Variants in PAMR1 observed in about 807,000 individuals in gnomAD.
PAMR1 encodes inactive serine protease PAMR1.
A neutral mutation model predicts 81.8 loss-of-function variants in PAMR1; 88 were observed. That is an observed-to-expected ratio of 1.08 (90% CI 0.91 to 1.28). PAMR1 has a LOEUF of 1.28. PAMR1 is among the 50% of genes most tolerant of loss of function. The pLI, the probability that PAMR1 is intolerant of heterozygous loss-of-function variation, is 0.00. For missense variants in PAMR1, 935 were observed against 919.7 expected (o/e 1.02, Z -0.21); for synonymous variants, 336 against 345.3 (o/e 0.97, Z 0.30).
intron 6 of PAMR1, among the ~76,000 whole-genome samples, chr11:35,466,065 C>T (rs1242308755): frequency 1.3e-5 from 2 of 149,674 alleles, no homozygotes; most frequent in Non-Finnish European, 2.9e-5. Context: ...TTACTTCTTT[C>T]CAATTCTATT....
chr11:35,441,743 C>T, intron 6 of PAMR1, 50 bp from the exon 7 acceptor site: 1 of 1,264,036 alleles, frequency 7.9e-7, no homozygotes, highest in Non-Finnish European at 1.1e-6. Flanking sequence ...TGAGTTATTC[C>T]ATTTTAGAAT....
chr11:35,517,236 T>C (rs1851181982), intron 1 of PAMR1, among the ~76,000 whole-genome samples: 1 of 152,202 alleles, frequency 6.6e-6, no homozygotes, highest in South Asian at 2.1e-4. Context: ...TAGCCCAAAT[T>C]GATTAGTGCT....
Position 35,441,684 on chromosome 11 carries a change from TC to T in PAMR1, c.829del (p.Glu277LysfsTer17). The T allele has an allele frequency of 6.2e-7, 1 of 1,607,602 alleles. No homozygotes were observed. Among genetic ancestry groups the T allele is most frequent in the Non-Finnish European group, 8.5e-7 (1 of 1,177,216 alleles). On this transcript the variant is annotated frameshift_variant, in exon 7 of 11. Coordinates refer to ENST00000619888, the MANE Select transcript of PAMR1 (RefSeq NM_001001991.3). LOFTEE classifies it high-confidence loss of function. ...TGQRCENLLE[E>X]RNCSDPGGPV... ...GCCCCCAGGGTCTGAGCAGTTTCTT[TC>T]TTCAAGGACTAAAAGAAAGTAAAAG...
chr11:35,495,227 CA>C (rs1304936223), intron 1 of PAMR1, among the ~76,000 whole-genome samples: 3 of 151,450 alleles, frequency 2.0e-5, no homozygotes, highest in African/African-American at 4.9e-5. Flanking sequence ...ATAGAAAAGA[CA>C]AAAAATACCT....
upstream of PAMR1, among the ~76,000 whole-genome samples, chr11:35,529,323 T>C (rs534108494): frequency 1.2e-4 from 19 of 152,322 alleles, no homozygotes; most frequent in African/African-American, 4.6e-4. Flanking sequence ...TAAGTTAAAA[T>C]TGAAAAATGG....
intron 10 of PAMR1, 125 bp from the exon 11 acceptor site, chr11:35,433,017 T>C (rs1336551732): frequency 1.3e-6 from 1 of 781,968 alleles, no homozygotes; most frequent in Non-Finnish European, 2.0e-6. Flanking sequence ...TATTTGGAGA[T>C]ACTTCACTCA....
intron 1 of PAMR1, among the ~76,000 whole-genome samples, chr11:35,505,145 T>C (rs1442304554): frequency 1.3e-5 from 2 of 152,176 alleles, no homozygotes; most frequent in Admixed American, 6.5e-5. Context: ...TTAATTTCCA[T>C]GTATTTGCAT....
intron 1 of PAMR1, among the ~76,000 whole-genome samples, chr11:35,496,093 G>A (rs886949400): frequency 6.6e-6 from 1 of 152,134 alleles, no homozygotes; most frequent in Non-Finnish European, 1.5e-5. Context: ...CCATGTCTCT[G>A]ATGTTTTACT....
chr11:35,520,886 T>A (rs1295424165), intron 1 of PAMR1, among the ~76,000 whole-genome samples: 1 of 152,210 alleles, frequency 6.6e-6, no homozygotes, highest in East Asian at 1.9e-4. Context: ...CTAAGACCTG[T>A]CATTAGGTCC....
chr11:35,448,024 T>C (rs1856333779), intron 6 of PAMR1, among the ~76,000 whole-genome samples: 1 of 152,246 alleles, frequency 6.6e-6, no homozygotes, highest in Non-Finnish European at 1.5e-5. Flanking sequence ...GTTAGTTTGA[T>C]GGCATTCCCT....
At chr11:35,466,010 T>A (rs902234198) in intron 6 of PAMR1, among the ~76,000 whole-genome samples, 3 of 152,230 alleles carry the variant, frequency 2.0e-5, no homozygotes, top group African/African-American at 7.2e-5. Flanking sequence ...CTTTCCTAAT[T>A]TGACTCAGCT....
chr11:35,521,963 C>A (rs189223329), intron 1 of PAMR1, among the ~76,000 whole-genome samples: 6 of 151,746 alleles, frequency 4.0e-5, no homozygotes, highest in Non-Finnish European at 2.9e-5. Flanking sequence ...CACTCTGTCG[C>A]CCAAGCTGGA....
At chr11:35,483,525 T>G (rs1850440308) in intron 3 of PAMR1, among the ~76,000 whole-genome samples, 1 of 152,114 alleles carries the variant, frequency 6.6e-6, no homozygotes, top group East Asian at 1.9e-4. Context: ...TTCAAAAGTT[T>G]TCCTGTCTTC....
chr11:35,453,288 C>T (rs1203702654), intron 6 of PAMR1: 2 of 152,184 alleles, frequency 1.3e-5, no homozygotes, highest in Non-Finnish European at 2.9e-5. Flanking sequence ...CATTGTTGGG[C>T]CTATTCAAAC....
At chr11:35,435,826 A>G (rs949635366) in intron 9 of PAMR1, 77 bp downstream of exon 9, 2 of 1,089,374 alleles carry the variant, frequency 1.8e-6, no homozygotes, top group Non-Finnish European at 2.8e-6. Flanking sequence ...CTCTCCCAAA[A>G]AGTAGGGTTA....
At position 35,470,842 on chromosome 11, in the gene PAMR1, G is replaced by A. The variant is rs780626589; in HGVS notation, c.495-24C>T. The A allele has an allele frequency of 6.3e-6, 10 of 1,575,614 alleles. No individual in the cohort carries two copies. The Admixed American group carries it at 1.5e-4, about 24-fold the overall frequency. On this transcript the variant is annotated intron_variant, in intron 4 of 10. Coordinates refer to ENST00000619888, the MANE Select transcript of PAMR1 (RefSeq NM_001001991.3). ...ATCTGTGGGTGGACAGGGTGACGGA[G>A]GGAAGCAGATGGGCCCTGGACAGTC...
rs1178979261 is a variant in PAMR1 at position 35,474,660 on chromosome 11, T to C, written c.464A>G (p.His155Arg). ...TTGGATGACAAACCCAGGTTTAGCATGAATGGTCCATTCACAGTGAGCATT... is the reference window on the plus strand; with the variant it reads ...TTGGATGACAAACCCAGGTTTAGCACGAATGGTCCATTCACAGTGAGCATT... ...PLNAHCEWTI[H>R]AKPGFVIQLR... Residue 155 changes from histidine (H) to arginine (R), a missense_variant, in exon 4 of 11, where the codon CAT becomes CGT. Coordinates refer to ENST00000619888, the MANE Select transcript of PAMR1 (RefSeq NM_001001991.3). 19 of 1,608,178 alleles carry C rather than the reference T, an allele frequency of 1.2e-5. No individual in the cohort carries two copies. In the East Asian group the frequency reaches 4.3e-4, roughly 36 times the overall value.
rs893032606 is a variant in PAMR1 at position 35,439,644 on chromosome 11, C to A, written c.1083G>T (p.Pro361=). The change falls in exon 8 of 11, where the codon CCG becomes CCT. Residue 361 remains proline, a synonymous_variant. Transcript: ENST00000619888. ...GACCTCACCTTGACTGAACCTGCATCGGAAGAACTCTCCTTCTCACCAGGT... is the reference window on the plus strand; with the variant it reads ...GACCTCACCTTGACTGAACCTGCATAGGAAGAACTCTCCTTCTCACCAGGT... The part of the protein sequence containing the change: ...ISDLVRRRVL[P]MQVQSRETPL... The A allele has an allele frequency of 6.2e-7, 1 of 1,613,802 alleles. No individual in the cohort carries two copies. Among genetic ancestry groups the A allele is most frequent in the Non-Finnish European group, 8.5e-7 (1 of 1,179,856 alleles).
Position 35,474,682 on chromosome 11 carries a change from C to T in PAMR1, c.442G>A (p.Ala148Thr). Reference protein sequence around the residue: ...QILLESYPLNAHCEWTIHAKP... With the variant: ...QILLESYPLNTHCEWTIHAKP... ...GCATGAATGGTCCATTCACAGTGAG[C>T]ATTTAGGGGATAGCTTTCCAACAAA... Residue 148 changes from alanine to threonine, a missense_variant, in exon 4 of 11, where the codon GCT becomes ACT. Ala to Thr is a moderately conservative substitution (Grantham distance 58, BLOSUM62 0). Transcript: ENST00000619888. The T allele has an allele frequency of 1.2e-6, 2 of 1,610,776 alleles. No individual in the cohort carries two copies. Among genetic ancestry groups the T allele is most frequent in the Non-Finnish European group, 1.7e-6 (2 of 1,178,588 alleles).
Sources: gnomAD v4.1 joint callset for allele counts (sites outside exome capture counted in the v4.1 genomes callset) on GRCh38, gnomAD v4.1.1 for gene constraint, MANE v1.5 for transcripts, NCBI Gene and HGNC (gene_info 2026-07-23, HGNC 2026-07-21) for gene names.